CNTN4: variants seen among roughly 807,000 people sequenced by gnomAD.
The protein encoded by CNTN4 is contactin 4, also known as contactin-4.
A neutral mutation model predicts 122.5 loss-of-function variants in CNTN4; 77 were observed. That is an observed-to-expected ratio of 0.63 (90% CI 0.52 to 0.76). CNTN4 has a LOEUF of 0.76. Ranked by LOEUF, CNTN4 falls within the 30% of genes least tolerant of loss-of-function variation. The probability of loss-of-function intolerance (pLI) is 0.00; values close to 1 mark genes in which losing one functional copy is unlikely to be tolerated. For synonymous variants in CNTN4, 512 were observed against 447.0 expected (o/e 1.15, Z -1.83); for missense variants, 1,256 against 1,259.1 (o/e 1.00, Z 0.04).
At chr3:2,241,069 TC>T (rs1390851660) in intron 2 of CNTN4, among the ~76,000 whole-genome samples, 4 of 152,076 alleles carry the variant, frequency 2.6e-5, no homozygotes, top group Admixed American at 2.0e-4. Context: ...AATGTGTTAC[TC>T]CCCTTCAAAA....
Position 2,507,590 on chromosome 3 carries a change from C to A in CNTN4, c.-88-63826C>A, listed in dbSNP as rs1016989905. On this transcript the variant is annotated intron_variant, in intron 3 of 24. Coordinates refer to ENST00000418658, the MANE Select transcript of CNTN4 (RefSeq NM_175607.3). ...CTCTACTAAAAATACAAAAAATTAG[C>A]CAGGCATAGTGGCAGGCGCCTGTAA... is the stretch of plus-strand genomic sequence containing the variant. Among the ~76,000 whole-genome samples the A allele has an allele frequency of 2.6e-5, 4 of 151,730 alleles. No individual in the cohort carries two copies. The East Asian group carries it at 7.8e-4, about 30-fold the overall frequency.
At chr3:2,684,586 A>AG (rs769671233) in intron 4 of CNTN4, among the ~76,000 whole-genome samples, 33,287 of 151,950 alleles carry the variant, frequency 0.22, 6,541 homozygotes, top group African/African-American at 0.53. Context: ...GGGGCTAATA[A>AG]CATTGGACCC....
At chr3:2,388,608 G>A (rs9864082) in intron 3 of CNTN4, among the ~76,000 whole-genome samples, 1,975 of 152,254 alleles carry the variant, frequency 0.013, 37 homozygotes, top group African/African-American at 0.045. Flanking sequence ...AATTTGGGAG[G>A]CCGAGGCAGG....
At chr3:2,720,501 G>A (rs1282981769) in intron 4 of CNTN4, among the ~76,000 whole-genome samples, 1 of 152,156 alleles carries the variant, frequency 6.6e-6, no homozygotes, top group African/African-American at 2.4e-5. Flanking sequence ...TTGGGAAAGA[G>A]AGGGCAAAGG....
At chr3:2,216,787 A>G (rs1160803364) in intron 2 of CNTN4, among the ~76,000 whole-genome samples, 1 of 152,104 alleles carries the variant, frequency 6.6e-6, no homozygotes, top group East Asian at 1.9e-4. Flanking sequence ...TCCAGTCTGC[A>G]TACCCCTCCT....
chr3:2,708,980 C>T (rs1375185861), intron 4 of CNTN4, among the ~76,000 whole-genome samples: 1 of 152,058 alleles, frequency 6.6e-6, no homozygotes, highest in Non-Finnish European at 1.5e-5. Flanking sequence ...TGCAGAAATC[C>T]ATGTACGTAT....
chr3:3,024,659 T>C (rs985402770), intron 14 of CNTN4, among the ~76,000 whole-genome samples: 3 of 152,194 alleles, frequency 2.0e-5, no homozygotes, highest in African/African-American at 4.8e-5. Context: ...CACTACTAGA[T>C]TATAACCTAT....
At chr3:2,219,058 C>T (rs948233955) in intron 2 of CNTN4, among the ~76,000 whole-genome samples, 2 of 152,104 alleles carry the variant, frequency 1.3e-5, no homozygotes, top group African/African-American at 4.8e-5. Context: ...TATTAGAGAG[C>T]TAATTTTTAG....
At chr3:2,837,074 T>C (rs1266519208) in intron 7 of CNTN4, among the ~76,000 whole-genome samples, 2 of 152,222 alleles carry the variant, frequency 1.3e-5, no homozygotes, top group Non-Finnish European at 2.9e-5. Context: ...ATTTGTAATA[T>C]GTTAGAAAAT....
chr3:2,247,577 A>G (rs1036496079), intron 2 of CNTN4, among the ~76,000 whole-genome samples: 1 of 151,982 alleles, frequency 6.6e-6, no homozygotes, highest in South Asian at 2.1e-4. Context: ...TTCTTGTCAT[A>G]TTCGGGAACA....
At chr3:2,363,284 A>C (rs1345588332) in intron 3 of CNTN4, among the ~76,000 whole-genome samples, 2 of 152,240 alleles carry the variant, frequency 1.3e-5, no homozygotes, top group African/African-American at 4.8e-5. Flanking sequence ...TTGTTTACCA[A>C]GTGCTAGGAC....
At chr3:2,846,152 T>G (rs185141409) in intron 7 of CNTN4, among the ~76,000 whole-genome samples, 149 of 152,338 alleles carry the variant, frequency 9.8e-4, no homozygotes, top group African/African-American at 3.5e-3. Context: ...CCCAGCATTT[T>G]CAACCCAGTT....
intron 3 of CNTN4, among the ~76,000 whole-genome samples, chr3:2,369,328 G>C (rs978422824): frequency 6.6e-6 from 1 of 152,162 alleles, no homozygotes; most frequent in Non-Finnish European, 1.5e-5. Context: ...GGTGAGAGTA[G>C]GACTTTCCCC....
At chr3:2,529,318 T>C (rs949384274) in intron 3 of CNTN4, among the ~76,000 whole-genome samples, 1 of 152,204 alleles carries the variant, frequency 6.6e-6, no homozygotes, top group Non-Finnish European at 1.5e-5. Flanking sequence ...TATTCCATTA[T>C]GTATATATAC....
At chr3:2,557,060 G>T (rs1364825799) in intron 3 of CNTN4, among the ~76,000 whole-genome samples, 1 of 152,098 alleles carries the variant, frequency 6.6e-6, no homozygotes, top group Non-Finnish European at 1.5e-5. Context: ...TTTGTCCTTT[G>T]CCAGATCTCT....
intron 4 of CNTN4, among the ~76,000 whole-genome samples, chr3:2,606,465 C>A (rs1345324853): frequency 2.0e-5 from 3 of 152,124 alleles, no homozygotes; most frequent in Admixed American, 6.5e-5. Context: ...AACAAACCTG[C>A]ACATCCTGCA....
At position 2,278,006 on chromosome 3, in the gene CNTN4, G is replaced by T. The variant is rs570266473; in HGVS notation, c.-144-61172G>T. Reference sequence around the variant, plus strand: ...ATTTGAGGACCAATCCCTTCAGAAGGTTGCAACTTGTAAAGTGTGTGCAGG... The same window carrying T: ...ATTTGAGGACCAATCCCTTCAGAAGTTTGCAACTTGTAAAGTGTGTGCAGG... On this transcript the variant is annotated intron_variant, in intron 2 of 24. Coordinates refer to ENST00000418658, the MANE Select transcript of CNTN4 (RefSeq NM_175607.3). 7.2e-5 allele frequency among the ~76,000 whole-genome samples: 11 copies of T among 152,178 alleles called. No individual in the cohort carries two copies. The South Asian group carries it at 2.1e-3, about 29-fold the overall frequency.
chr3:2,117,122 C>G (rs1308899232), intron 2 of CNTN4, among the ~76,000 whole-genome samples: 1 of 152,148 alleles, frequency 6.6e-6, no homozygotes, highest in East Asian at 1.9e-4. Context: ...CCCCTACTCC[C>G]AATGCCACAG....
At chr3:2,426,397 C>A (rs150902328) in intron 3 of CNTN4, among the ~76,000 whole-genome samples, 2 of 152,154 alleles carry the variant, frequency 1.3e-5, no homozygotes. Flanking sequence ...GTTGAAGCAG[C>A]CTTGCATCCC....
Sources: gnomAD v4.1 joint callset for allele counts (sites outside exome capture counted in the v4.1 genomes callset) on GRCh38, gnomAD v4.1.1 for gene constraint, MANE v1.5 for transcripts, NCBI Gene and HGNC (gene_info 2026-07-23, HGNC 2026-07-21) for gene names.